Variants in METTL14 observed in about 807,000 individuals in gnomAD.
METTL14 encodes the protein N(6)-adenosine-methyltransferase non-catalytic subunit METTL14.
Under a neutral mutation model 62.4 loss-of-function variants are expected in METTL14, and 32 were observed. The observed-to-expected ratio is 0.51, with a 90% CI of 0.39 to 0.69. The LOEUF (loss-of-function observed/expected upper bound fraction) is 0.69, where lower values mean the gene tolerates loss of function less well. Among genes scored for constraint, METTL14 ranks in the 30% least tolerant of loss-of-function variants. METTL14 has a pLI of 0.00. For missense variants in METTL14, 340 were observed against 551.9 expected, an observed-to-expected ratio of 0.62 and a Z score of 3.85; for synonymous variants, 150 against 180.0, an observed-to-expected ratio of 0.83 and a Z score of 1.34.
chr4:118,701,173 G>GTTTTTTTTTT (rs370557403), intron 8 of METTL14, among the ~76,000 whole-genome samples: 2 of 114,110 alleles, frequency 1.8e-5, no homozygotes, highest in Admixed American at 7.9e-5. Flanking sequence ...TTTTATTGGA[G>GTTTTTTTTTT]TTTTTTTTTG....
intron 6 of METTL14, 27 bp from the exon 7 acceptor site, chr4:118,697,148 TAAAAACC>T: frequency 6.5e-7 from 1 of 1,535,678 alleles, no homozygotes. Context: ...AGCATTTTTT[TAAAAACC>T]TCATTTTTAA....
chr4:118,689,289 T>C, intron 2 of METTL14, 81 bp from the exon 3 acceptor site: 1 of 700,542 alleles, frequency 1.4e-6, no homozygotes, highest in Non-Finnish European at 2.3e-6. Flanking sequence ...GTTCTGTTTT[T>C]ATAACCTGTT....
chr4:118,686,743 T>G (rs1236334931), intron 1 of METTL14: 1 of 425,674 alleles, frequency 2.3e-6, no homozygotes, highest in Non-Finnish European at 4.7e-6. Context: ...GTTTTACTCC[T>G]TAATATTGAA....
intron 10 of METTL14, among the ~76,000 whole-genome samples, chr4:118,706,340 G>A (rs1010499208): frequency 2.6e-5 from 4 of 152,182 alleles, no homozygotes; most frequent in South Asian, 2.1e-4. Context: ...AGTTGGAATC[G>A]TATAGTATGT....
At chr4:118,697,882 A>G (rs959662555) in intron 7 of METTL14, among the ~76,000 whole-genome samples, 4 of 152,040 alleles carry the variant, frequency 2.6e-5, no homozygotes, top group Admixed American at 2.6e-4. Context: ...CAATATAAAT[A>G]GATTAGTTGG....
At chr4:118,688,194 C>T (rs565737130) in intron 2 of METTL14, among the ~76,000 whole-genome samples, 183 bp downstream of exon 2, 58 of 151,822 alleles carry the variant, frequency 3.8e-4, no homozygotes, top group Non-Finnish European at 5.9e-4. Context: ...GCCACTGTGC[C>T]GAGGCAGGTG....
intron 9 of METTL14, among the ~76,000 whole-genome samples, chr4:118,704,555 T>C (rs1724699161): frequency 6.6e-6 from 1 of 152,142 alleles, no homozygotes; most frequent in Non-Finnish European, 1.5e-5. Flanking sequence ...TAAGTCTTTT[T>C]TGTACTGGAA....
At chr4:118,685,846 C>T (rs1229243105) in intron 1 of METTL14, among the ~76,000 whole-genome samples, 1 of 152,066 alleles carries the variant, frequency 6.6e-6, no homozygotes, top group African/African-American at 2.4e-5. Context: ...AGCCTTTAAG[C>T]TTTGTGGAAC....
At chr4:118,705,581 CAG>C (rs778194425) in intron 9 of METTL14, 28 bp from the exon 10 acceptor site, 2 of 1,561,732 alleles carry the variant, frequency 1.3e-6, no homozygotes, top group Middle Eastern at 1.7e-4. Context: ...TTGATGAAAA[CAG>C]ATTAATTGGT....
intron 7 of METTL14, among the ~76,000 whole-genome samples, chr4:118,699,493 T>G (rs1258219275): frequency 6.6e-6 from 1 of 152,176 alleles, no homozygotes; most frequent in Non-Finnish European, 1.5e-5. Flanking sequence ...TTCCTTTCAG[T>G]AGTGTTTAAG....
chr4:118,707,278 A>G (rs540318706), intron 10 of METTL14, among the ~76,000 whole-genome samples: 3 of 152,302 alleles, frequency 2.0e-5, no homozygotes, highest in African/African-American at 4.8e-5. Context: ...CTACATGCAA[A>G]TAAGGAAGAA....
chr4:118,689,254 T>C, intron 2 of METTL14, 116 bp from the exon 3 acceptor site: 1 of 518,844 alleles, frequency 1.9e-6, no homozygotes, highest in East Asian at 3.3e-5. Context: ...AGATAGATAT[T>C]CTTTAATCAG....
chr4:118,690,365 T>A (rs1164404130), intron 3 of METTL14, among the ~76,000 whole-genome samples: 1 of 151,802 alleles, frequency 6.6e-6, no homozygotes. Flanking sequence ...TTCTTAAAGA[T>A]GACTGAGGAT....
chr4:118,693,761 G>A (rs554346241), intron 5 of METTL14, among the ~76,000 whole-genome samples: 5 of 152,196 alleles, frequency 3.3e-5, no homozygotes, highest in African/African-American at 1.2e-4. Context: ...CTGTTTTATA[G>A]GTGATTAGAA....
At chr4:118,689,665 A>G (rs563689671) in intron 3 of METTL14, among the ~76,000 whole-genome samples, 1 of 138,700 alleles carries the variant, frequency 7.2e-6, no homozygotes, top group African/African-American at 2.6e-5. Context: ...TTTTTTTGTG[A>G]CGGAGTCTCG....
At chr4:118,686,690 C>G in intron 1 of METTL14, 1 of 454,550 alleles carries the variant, frequency 2.2e-6, no homozygotes, top group Non-Finnish European at 4.4e-6. Flanking sequence ...ATCGTATTAT[C>G]TTCAAAAATG....
At chr4:118,694,339 GTAT>G (rs1221934171) in intron 5 of METTL14, 94 bp from the exon 6 acceptor site, 7 of 764,924 alleles carry the variant, frequency 9.2e-6, no homozygotes, top group Non-Finnish European at 1.5e-5. Flanking sequence ...AGTGGCATGT[GTAT>G]TATTTTGTTT....
At chr4:118,690,448 A>G (rs1035650310) in intron 3 of METTL14, among the ~76,000 whole-genome samples, 5 of 151,912 alleles carry the variant, frequency 3.3e-5, no homozygotes, top group Non-Finnish European at 7.4e-5. Flanking sequence ...GGAGGTCAAG[A>G]TGTGCAGATC....
intron 7 of METTL14, among the ~76,000 whole-genome samples, chr4:118,697,736 T>G (rs1724456629): frequency 6.6e-6 from 1 of 152,122 alleles, no homozygotes; most frequent in African/African-American, 2.4e-5. Context: ...TAGTAAAGTA[T>G]GGATAAACAC....
Sources: gnomAD v4.1 joint callset for allele counts (sites outside exome capture counted in the v4.1 genomes callset) on GRCh38, gnomAD v4.1.1 for gene constraint, MANE v1.5 for transcripts, NCBI Gene and HGNC (gene_info 2026-07-23, HGNC 2026-07-21) for gene names.